Variants in SIN3A observed in about 807,000 individuals in gnomAD.
SIN3A encodes SIN3 transcription regulator family member A, also known as paired amphipathic helix protein Sin3a.
SIN3A carries 14 observed loss-of-function variants against 146.1 expected under a neutral mutation model. The ratio of observed to expected loss-of-function variants is 0.10; its 90% CI spans 0.06 to 0.15. The LOEUF (loss-of-function observed/expected upper bound fraction) is 0.15, where lower values mean the gene tolerates loss of function less well. Ranked by LOEUF, SIN3A falls within the 10% of genes least tolerant of loss-of-function variation. SIN3A has a pLI of 1.00. For synonymous variants in SIN3A, 572 were observed against 572.0 expected, an observed-to-expected ratio of 1.00 and a Z score of 0.00; for missense variants, 1,028 against 1,576.0, an observed-to-expected ratio of 0.65 and a Z score of 5.89.
At chr15:75,380,901 TTC>T (rs143043200) in intron 18 of SIN3A, 178 bp from the exon 19 acceptor site, 8,461 of 551,632 alleles carry the variant, frequency 0.015, 463 homozygotes, top group Admixed American at 0.12. Context: ...GGATTAAAAA[TTC>T]TGTTAGCCAG....
chr15:75,431,117 A>G (rs2074007533), intron 1 of SIN3A, among the ~76,000 whole-genome samples: 1 of 152,128 alleles, frequency 6.6e-6, no homozygotes, highest in African/African-American at 2.4e-5. Flanking sequence ...CTACTACTAT[A>G]ATTGTGGTCT....
At chr15:75,414,456 T>C (rs751644611) in intron 3 of SIN3A, 145 bp from the exon 4 acceptor site, 65 of 394,006 alleles carry the variant, frequency 1.6e-4, no homozygotes, top group Non-Finnish European at 2.2e-4. Flanking sequence ...TAAAAGTTAG[T>C]ATGGATACCA....
chr15:75,427,480 C>A (rs568772940), intron 2 of SIN3A, among the ~76,000 whole-genome samples: 1 of 151,940 alleles, frequency 6.6e-6, no homozygotes, highest in Non-Finnish European at 1.5e-5. Context: ...GCCAGCACAG[C>A]GAAACCCCAT....
chr15:75,427,993 A>G (rs1393188523), intron 2 of SIN3A, among the ~76,000 whole-genome samples: 9 of 151,992 alleles, frequency 5.9e-5, no homozygotes, highest in African/African-American at 1.4e-4. Flanking sequence ...ATAAATAAAT[A>G]AATAAATGAA....
chr15:75,429,644 G>A (rs1263436074), intron 2 of SIN3A, among the ~76,000 whole-genome samples: 1 of 152,094 alleles, frequency 6.6e-6, no homozygotes, highest in African/African-American at 2.4e-5. Flanking sequence ...GCCACTGAGT[G>A]CACTAAGACA....
chr15:75,378,577 C>G (rs1005648664), intron 19 of SIN3A, among the ~76,000 whole-genome samples: 7 of 152,082 alleles, frequency 4.6e-5, no homozygotes, highest in Admixed American at 2.0e-4. Flanking sequence ...AAAAGAAAAA[C>G]AAAAACAAAA....
chr15:75,454,088 GC>G (rs2074451797), upstream of SIN3A: 3 of 152,060 alleles, frequency 2.0e-5, no homozygotes, highest in South Asian at 6.2e-4. Context: ...CGGGCTACCC[GC>G]CCCACCAATC....
At chr15:75,409,756 A>C in intron 8 of SIN3A, 80 bp downstream of exon 8, 1 of 1,472,882 alleles carries the variant, frequency 6.8e-7, no homozygotes, top group South Asian at 1.3e-5. Flanking sequence ...ACAACAACAA[A>C]ACACATGACC....
At chr15:75,378,731 G>A (rs2072911075) in intron 19 of SIN3A, among the ~76,000 whole-genome samples, 1 of 152,080 alleles carries the variant, frequency 6.6e-6, no homozygotes, top group South Asian at 2.1e-4. Flanking sequence ...TAATGCAACA[G>A]ATTGAATATA....
intron 19 of SIN3A, among the ~76,000 whole-genome samples, chr15:75,380,335 T>C (rs1046523118): frequency 6.6e-6 from 1 of 152,234 alleles, no homozygotes; most frequent in Non-Finnish European, 1.5e-5. Context: ...AGTCTGACTA[T>C]ATGCAGAGTC....
intron 2 of SIN3A, among the ~76,000 whole-genome samples, chr15:75,426,581 T>A (rs2073929468): frequency 6.6e-6 from 1 of 152,062 alleles, no homozygotes; most frequent in Non-Finnish European, 1.5e-5. Flanking sequence ...ATATATTAAA[T>A]GAAAAGAGCA....
intron 19 of SIN3A, among the ~76,000 whole-genome samples, chr15:75,380,329 T>C (rs2072940468): frequency 6.6e-6 from 1 of 152,224 alleles, no homozygotes; most frequent in Non-Finnish European, 1.5e-5. Context: ...TAAATCAGTC[T>C]GACTATATGC....
intron 1 of SIN3A, among the ~76,000 whole-genome samples, chr15:75,432,234 T>G (rs921589118): frequency 5.3e-5 from 8 of 152,234 alleles, no homozygotes; most frequent in African/African-American, 1.9e-4. Context: ...CAGCGTGTTT[T>G]GGGATGAGGA....
intron 1 of SIN3A, among the ~76,000 whole-genome samples, chr15:75,438,068 T>C (rs1010931821): frequency 6.6e-6 from 1 of 152,144 alleles, no homozygotes; most frequent in Non-Finnish European, 1.5e-5. Flanking sequence ...CCTGGCCATG[T>C]GTTATAATAA....
intron 1 of SIN3A, among the ~76,000 whole-genome samples, chr15:75,431,255 T>G (rs2074009749): frequency 6.6e-6 from 1 of 152,222 alleles, no homozygotes; most frequent in South Asian, 2.1e-4. Flanking sequence ...CCTCATTCTA[T>G]GTGAATTTCA....
Position 75,451,684 on chromosome 15 carries a change from C to T in SIN3A, c.-295G>A, listed in dbSNP as rs951614525. The T allele has an allele frequency of 2.6e-5, 4 of 152,242 alleles. No homozygotes were observed. The highest frequency in any genetic ancestry group is 9.7e-5 in the African/African-American group (4 of 41,338). 9.4% of individuals were successfully genotyped at this position (152,242 alleles called of 1,614,324 possible). A position where few individuals can be genotyped will look rare whatever the true frequency, so the allele number is the denominator to read the frequency against. ...GCCGCCTCTACCGCCGCGGCCGCTT[C>T]TCTGTTACCCGGGAAATCCCGCCCA... On this transcript the variant is annotated 5_prime_UTR_variant, in exon 1 of 21. Coordinates refer to ENST00000394947, the MANE Select transcript of SIN3A (RefSeq NM_001145358.2).
chr15:75,449,893 C>A (rs2074371798), intron 1 of SIN3A, among the ~76,000 whole-genome samples: 1 of 152,154 alleles, frequency 6.6e-6, no homozygotes, highest in African/African-American at 2.4e-5. Context: ...GATTCTCCTG[C>A]CTCAGCCTCC....
At position 75,394,688 on chromosome 15, in the gene SIN3A, A is replaced by G; in HGVS notation, c.2269T>C (p.Tyr757His). ...AGAAACCCCCCGCTCACCTCATCAT[A>G]GATACTCTCAATCTCATTGAGTAAG... Reference protein sequence around the residue: ...KSLLNEIESIYDERQEQATEE... With the variant: ...KSLLNEIESIHDERQEQATEE... Residue 757 changes from tyrosine (Y) to histidine (H), a missense_variant, in exon 14 of 21, where the codon TAT becomes CAT. Tyr to His is a moderately conservative substitution (Grantham distance 83). Coordinates refer to ENST00000394947, the MANE Select transcript of SIN3A (RefSeq NM_001145358.2). The G allele has an allele frequency of 6.2e-7, 1 of 1,611,784 alleles. No homozygotes were observed. The highest frequency in any genetic ancestry group is 8.5e-7 in the Non-Finnish European group (1 of 1,179,098).
rs142886276 is a variant in SIN3A at position 75,377,583 on chromosome 15, C to A, written c.3384-1711G>T. Among the ~76,000 whole-genome samples, 926 of 151,708 alleles carry A rather than the reference C, an allele frequency of 6.1e-3. 19 individuals are homozygous for A. The highest frequency in any genetic ancestry group is 0.021 in the African/African-American group (879 of 41,286). On this transcript the variant is annotated intron_variant, in intron 19 of 20. Coordinates refer to ENST00000394947, the MANE Select transcript of SIN3A (RefSeq NM_001145358.2). ...GAGGCTGCAGTAAGCCAAGATCGCG[C>A]CACTGCACTCCAGCTTGGGCAACAG...
Sources: gnomAD v4.1 joint callset for allele counts (sites outside exome capture counted in the v4.1 genomes callset) on GRCh38, gnomAD v4.1.1 for gene constraint, MANE v1.5 for transcripts, NCBI Gene and HGNC (gene_info 2026-07-23, HGNC 2026-07-21) for gene names.